Variants in AGBL4 observed in about 807,000 individuals in gnomAD.
AGBL4 encodes cytosolic carboxypeptidase 6.
Under a neutral mutation model 66.4 loss-of-function variants are expected in AGBL4, and 58 were observed. The observed-to-expected ratio is 0.87, with a 90% CI of 0.71 to 1.09. The LOEUF (loss-of-function observed/expected upper bound fraction) is 1.09, where lower values mean the gene tolerates loss of function less well. AGBL4 is among the 50% of genes least tolerant of loss of function. The pLI is 0.00. For missense variants in AGBL4, 579 were observed against 631.0 expected, an observed-to-expected ratio of 0.92 and a Z score of 0.88; for synonymous variants, 234 against 222.9, an observed-to-expected ratio of 1.05 and a Z score of -0.44.
chr1:49,703,319 T>C (rs1647135895), intron 2 of AGBL4, among the ~76,000 whole-genome samples: 1 of 151,880 alleles, frequency 6.6e-6, no homozygotes, highest in Non-Finnish European at 1.5e-5. Flanking sequence ...ATAAAATAAT[T>C]CCATTTACAA....
intron 5 of AGBL4, among the ~76,000 whole-genome samples, chr1:48,886,228 T>G (rs1239437567): frequency 6.6e-6 from 1 of 151,956 alleles, no homozygotes; most frequent in African/African-American, 2.4e-5. Context: ...AAAGGCAGGG[T>G]CTTTCTGAGT....
chr1:48,702,684 T>C (rs543323985), intron 6 of AGBL4, among the ~76,000 whole-genome samples: 1 of 152,238 alleles, frequency 6.6e-6, no homozygotes, highest in Admixed American at 6.5e-5. Flanking sequence ...CAGGAACACC[T>C]GGACACTTAA....
chr1:49,875,839 G>C (rs1236604507), intron 1 of AGBL4, among the ~76,000 whole-genome samples: 3 of 145,250 alleles, frequency 2.1e-5, no homozygotes, highest in African/African-American at 7.7e-5. Flanking sequence ...ACTTTTTAAT[G>C]ATTGCCATTC....
chr1:48,771,591 T>C (rs1211858633), intron 6 of AGBL4, among the ~76,000 whole-genome samples: 1 of 152,232 alleles, frequency 6.6e-6, no homozygotes, highest in South Asian at 2.1e-4. Flanking sequence ...TGCTCCAATG[T>C]ATATCAGCAA....
chr1:48,753,268 T>C (rs1432467351), intron 6 of AGBL4, among the ~76,000 whole-genome samples: 1 of 152,200 alleles, frequency 6.6e-6, no homozygotes, highest in Non-Finnish European at 1.5e-5. Context: ...GGCTTTAAGA[T>C]ACCTAGAGGA....
At chr1:49,203,540 T>C (rs542325036) in intron 4 of AGBL4, among the ~76,000 whole-genome samples, 1 of 152,322 alleles carries the variant, frequency 6.6e-6, no homozygotes, top group Admixed American at 6.5e-5. Flanking sequence ...TGATTCTACT[T>C]ATATGAGGAA....
intron 11 of AGBL4, among the ~76,000 whole-genome samples, chr1:48,541,921 C>T (rs1644078666): frequency 6.6e-6 from 1 of 152,044 alleles, no homozygotes; most frequent in Non-Finnish European, 1.5e-5. Context: ...ATACACGTGC[C>T]ATGGTGGTTT....
At chr1:48,675,853 C>A (rs1646356455) in intron 6 of AGBL4, among the ~76,000 whole-genome samples, 1 of 152,230 alleles carries the variant, frequency 6.6e-6, no homozygotes, top group Admixed American at 6.5e-5. Flanking sequence ...AACATTTGAG[C>A]AGTTCTTATA....
chr1:48,875,516 G>A (rs1289113950), intron 5 of AGBL4, among the ~76,000 whole-genome samples: 2 of 152,148 alleles, frequency 1.3e-5, no homozygotes, highest in African/African-American at 2.4e-5. Flanking sequence ...AACCTCAGCT[G>A]CACATGTGAG....
At chr1:48,819,504 T>C (rs1196786876) in intron 6 of AGBL4, among the ~76,000 whole-genome samples, 2 of 152,156 alleles carry the variant, frequency 1.3e-5, no homozygotes, top group East Asian at 1.9e-4. Flanking sequence ...GGCTGCAGCA[T>C]GGACTTGGGA....
At chr1:48,945,311 G>A (rs1255065228) in intron 5 of AGBL4, among the ~76,000 whole-genome samples, 1 of 152,138 alleles carries the variant, frequency 6.6e-6, no homozygotes, top group African/African-American at 2.4e-5. Context: ...GGCCCAGAGA[G>A]ACACGGTTTG....
chr1:48,912,574 T>C (rs935423823), intron 5 of AGBL4, among the ~76,000 whole-genome samples: 1 of 152,180 alleles, frequency 6.6e-6, no homozygotes, highest in Non-Finnish European at 1.5e-5. Context: ...GGTGGATATG[T>C]TGTCCAGCCC....
intron 1 of AGBL4, among the ~76,000 whole-genome samples, chr1:49,976,068 G>A (rs1033517698): frequency 6.6e-6 from 1 of 152,126 alleles, no homozygotes; most frequent in Non-Finnish European, 1.5e-5. Context: ...GCTCATCCCA[G>A]CCACCTGCTA....
chr1:49,720,121 C>A (rs1393338699), intron 2 of AGBL4, among the ~76,000 whole-genome samples: 1 of 152,026 alleles, frequency 6.6e-6, no homozygotes, highest in Non-Finnish European at 1.5e-5. Flanking sequence ...CTGATCCCAG[C>A]AATAAGTATC....
intron 5 of AGBL4, among the ~76,000 whole-genome samples, chr1:48,908,208 A>G (rs1260291923): frequency 6.6e-6 from 1 of 152,278 alleles, no homozygotes; most frequent in Admixed American, 6.5e-5. Flanking sequence ...CCCAGCTGAC[A>G]TCTTGTAATT....
intron 1 of AGBL4, among the ~76,000 whole-genome samples, chr1:49,908,071 T>A (rs1650449705): frequency 6.6e-6 from 1 of 152,144 alleles, no homozygotes; most frequent in Non-Finnish European, 1.5e-5. Context: ...TAAATAAAAC[T>A]TTGTTAAGAA....
intron 3 of AGBL4, among the ~76,000 whole-genome samples, chr1:49,429,612 TTCTA>T (rs1182392019): frequency 2.0e-5 from 3 of 152,190 alleles, no homozygotes; most frequent in African/African-American, 7.2e-5. Flanking sequence ...CTGCCACTAC[TTCTA>T]TCTGTCTCCA....
At chr1:48,891,373 A>C (rs1307136473) in intron 5 of AGBL4, among the ~76,000 whole-genome samples, 1 of 152,158 alleles carries the variant, frequency 6.6e-6, no homozygotes, top group African/African-American at 2.4e-5. Context: ...CAAAAATGAC[A>C]AGAACCCAGT....
chr1:49,010,717 A>G (rs1348972308), intron 5 of AGBL4, among the ~76,000 whole-genome samples: 1 of 150,090 alleles, frequency 6.7e-6, no homozygotes, highest in African/African-American at 2.5e-5. Context: ...GCCCTCAGAA[A>G]TAACGCCGCA....
Sources: gnomAD v4.1 joint callset for allele counts (sites outside exome capture counted in the v4.1 genomes callset) on GRCh38, gnomAD v4.1.1 for gene constraint, MANE v1.5 for transcripts, NCBI Gene and HGNC (gene_info 2026-07-23, HGNC 2026-07-21) for gene names.